Variants in UBE2G1 observed in about 807,000 individuals in gnomAD.
The protein encoded by UBE2G1 is ubiquitin-conjugating enzyme E2 G1.
UBE2G1 carries 5 observed loss-of-function variants against 22.7 expected under a neutral mutation model. That is an observed-to-expected ratio of 0.22 (90% CI 0.12 to 0.46). The LOEUF (loss-of-function observed/expected upper bound fraction) is 0.46. Ranked by LOEUF, UBE2G1 falls within the 20% of genes least tolerant of loss-of-function variation. The pLI, the probability that UBE2G1 is intolerant of heterozygous loss-of-function variation, is 0.99. For synonymous variants in UBE2G1, 74 were observed against 67.5 expected, an observed-to-expected ratio of 1.10 and a Z score of -0.47; for missense variants, 88 against 203.9, an observed-to-expected ratio of 0.43 and a Z score of 3.46.
At chr17:4,289,480 G>A in intron 3 of UBE2G1, 72 bp from the exon 4 acceptor site, 1 of 1,421,490 alleles carries the variant, frequency 7.0e-7, no homozygotes. Flanking sequence ...AATTACAAAT[G>A]TGATCCTGAT....
chr17:4,305,960 T>A (rs1221735354), intron 2 of UBE2G1, among the ~76,000 whole-genome samples: 1 of 152,246 alleles, frequency 6.6e-6, no homozygotes, highest in Non-Finnish European at 1.5e-5. Context: ...GAAATATTTT[T>A]AAACTCTATT....
At chr17:4,355,872 G>C (rs1969900537) in intron 1 of UBE2G1, among the ~76,000 whole-genome samples, 2 of 147,040 alleles carry the variant, frequency 1.4e-5, no homozygotes, top group Non-Finnish European at 3.0e-5. Flanking sequence ...AGCTAATTTT[G>C]TATTTCTAGT....
At chr17:4,279,779 A>C (rs1282110275) in intron 5 of UBE2G1, among the ~76,000 whole-genome samples, 4 of 135,094 alleles carry the variant, frequency 3.0e-5, no homozygotes, top group Non-Finnish European at 6.1e-5. Context: ...TGCCCCCAAA[A>C]AAAAGTTATA....
chr17:4,328,655 A>G (rs1267786903), intron 1 of UBE2G1, among the ~76,000 whole-genome samples: 1 of 152,240 alleles, frequency 6.6e-6, no homozygotes, highest in Non-Finnish European at 1.5e-5. Context: ...AACAACCCTG[A>G]AGTTATTTAT....
rs1177128371 is a variant in UBE2G1, at chr17:4,337,669, A to C, written c.46+28602T>G. On this transcript the variant is annotated intron_variant, in intron 1 of 5. Transcript: ENST00000396981. ...ACTCGGTCTCAAAAAAAAAAAAAGA[A>C]AAGAAAAAATAAAAAGAAGAGAAAA... Among the ~76,000 whole-genome samples, 7 of 151,942 alleles carry C rather than the reference A, an allele frequency of 4.6e-5. No homozygotes were observed. The South Asian group carries it at 1.2e-3, about 27-fold the overall frequency.
At chr17:4,362,107 G>A (rs756019609) in intron 1 of UBE2G1, among the ~76,000 whole-genome samples, 1 of 151,912 alleles carries the variant, frequency 6.6e-6, no homozygotes. Flanking sequence ...AAGATAAAAT[G>A]TTTTAAAAGT....
At chr17:4,306,995 G>T in intron 2 of UBE2G1, 26 bp downstream of exon 2, 2 of 1,592,092 alleles carry the variant, frequency 1.3e-6, no homozygotes, top group South Asian at 2.2e-5. Flanking sequence ...GCTCCATTTT[G>T]AAGATGTCAG....
intron 5 of UBE2G1, among the ~76,000 whole-genome samples, chr17:4,273,116 C>T (rs1290141298): frequency 1.3e-5 from 2 of 152,186 alleles, no homozygotes; most frequent in Non-Finnish European, 2.9e-5. Flanking sequence ...CTGTTGGCCT[C>T]GTATCATCCA....
In UBE2G1 at chr17:4,366,587, C is replaced by T. The variant is rs1970039178; in HGVS notation, c.-271G>A. The T allele has an allele frequency of 8.2e-6, 3 of 365,908 alleles. No homozygotes were observed. In the East Asian group the frequency reaches 1.3e-4, roughly 16 times the overall value. The allele number at this position is 365,908 out of a possible 1,614,324, so 22.7% of individuals were successfully genotyped here. On this transcript the variant is annotated 5_prime_UTR_variant, in exon 1 of 6. Coordinates refer to ENST00000396981, the MANE Select transcript of UBE2G1 (RefSeq NM_003342.5). ...TGGGACTTCGCTCGCCCGCTTCCCT[C>T]CTTCAACCCGCCCGTCGGCCCCACC...
chr17:4,316,504 C>T (rs1327917477), intron 1 of UBE2G1, among the ~76,000 whole-genome samples: 1 of 152,154 alleles, frequency 6.6e-6, no homozygotes, highest in East Asian at 1.9e-4. Context: ...CGTCCTTCAA[C>T]CTTCCATTAA....
chr17:4,359,168 T>A (rs1233649537), intron 1 of UBE2G1, among the ~76,000 whole-genome samples: 1 of 152,158 alleles, frequency 6.6e-6, no homozygotes, highest in African/African-American at 2.4e-5. Context: ...TCTCCTGACA[T>A]AAAGAACTTT....
rs1968761089 is a variant in UBE2G1, at chr17:4,271,639, A to AAG, written c.*913_*914dup. The AAG allele has an allele frequency of 6.7e-6, 1 of 149,364 alleles. No homozygotes were observed. Among genetic ancestry groups the AAG allele is most frequent in the Non-Finnish European group, 1.5e-5 (1 of 67,622 alleles). 9.3% of individuals were successfully genotyped at this position (149,364 alleles called of 1,614,324 possible). On this transcript the variant is annotated 3_prime_UTR_variant, in exon 6 of 6. Transcript: ENST00000396981. The stretch of plus-strand genomic sequence containing the variant: ...ATTTGTAATAGCAAACCCAGAAGTT[A>AAG]AGTAGAAAGCCTGTAGCTGTGCATG...
chr17:4,353,930 GCCTTGGCCT>G (rs748058458), intron 1 of UBE2G1, among the ~76,000 whole-genome samples: 11 of 147,560 alleles, frequency 7.5e-5, no homozygotes, highest in Admixed American at 3.5e-4. Flanking sequence ...AGATTCTCCT[GCCTTGGCCT>G]CCCAAAGTGC....
intron 3 of UBE2G1, among the ~76,000 whole-genome samples, chr17:4,295,588 C>A (rs1218787439): frequency 6.6e-6 from 1 of 152,034 alleles, no homozygotes; most frequent in Non-Finnish European, 1.5e-5. Context: ...TGATGCGAAG[C>A]CAAATGCAAA....
chr17:4,342,180 A>G (rs961119394), intron 1 of UBE2G1, among the ~76,000 whole-genome samples: 1 of 152,228 alleles, frequency 6.6e-6, no homozygotes, highest in African/African-American at 2.4e-5. Context: ...AATCAAAAGT[A>G]GCATATTCAA....
rs1309444289 is a variant in UBE2G1, at chr17:4,271,367, C to T, written c.*1187G>A. 1 of 152,610 alleles carries T rather than the reference C, an allele frequency of 6.6e-6. No individual in the cohort carries two copies. Among genetic ancestry groups the T allele is most frequent in the Non-Finnish European group, 1.5e-5 (1 of 68,036 alleles). 9.5% of individuals were successfully genotyped at this position (152,610 alleles called of 1,614,324 possible). ...GGAATCAACCTGAGATTTTCCTAAACCACTTCTCTGGCACTCAGTATTATA... is the reference window on the plus strand; with the variant it reads ...GGAATCAACCTGAGATTTTCCTAAATCACTTCTCTGGCACTCAGTATTATA... On this transcript the variant is annotated 3_prime_UTR_variant, in exon 6 of 6. Transcript: ENST00000396981.
At chr17:4,300,085 TGC>T (rs1491094221) in intron 2 of UBE2G1, among the ~76,000 whole-genome samples, 3 of 21,392 alleles carry the variant, frequency 1.4e-4, no homozygotes, top group Admixed American at 9.3e-4. Flanking sequence ...CTGGCCTACC[TGC>T]TTTTTTTTTT....
chr17:4,274,009 G>A (rs139590928), intron 5 of UBE2G1, among the ~76,000 whole-genome samples: 3,269 of 151,030 alleles, frequency 0.022, 92 homozygotes, highest in African/African-American at 0.061. Context: ...TTTTTGAGAC[G>A]GAGTCTTGCT....
Position 4,324,532 on chromosome 17 carries a change from T to C in UBE2G1, c.47-17409A>G, listed in dbSNP as rs529764613. Among the ~76,000 whole-genome samples the C allele has an allele frequency of 2.0e-5, 3 of 152,284 alleles. No homozygotes were observed. In the South Asian group the frequency reaches 6.2e-4, roughly 32 times the overall value. ...TGGTTCCCATGTTTCTATTAGATAG[T>C]ACTGCTACAGTTTGCAGGAAATCTA... On this transcript the variant is annotated intron_variant, in intron 1 of 5. Transcript: ENST00000396981.
Sources: gnomAD v4.1 joint callset for allele counts (sites outside exome capture counted in the v4.1 genomes callset) on GRCh38, gnomAD v4.1.1 for gene constraint, MANE v1.5 for transcripts, NCBI Gene and HGNC (gene_info 2026-07-23, HGNC 2026-07-21) for gene names.